KYNU: variants seen among roughly 807,000 people sequenced by gnomAD.
KYNU encodes L-kynurenine hydrolase.
In KYNU, 54 loss-of-function variants were observed where a neutral mutation model predicts 59.2. The ratio of observed to expected loss-of-function variants is 0.91; its 90% CI spans 0.73 to 1.14. The LOEUF is 1.14. KYNU is among the 50% of genes most tolerant of loss of function. KYNU has a pLI of 0.00. For synonymous variants in KYNU, 177 were observed against 192.0 expected (o/e 0.92, Z 0.65); for missense variants, 567 against 554.4 (o/e 1.02, Z -0.23).
chr2:142,937,139 A>G (rs1196220529), intron 4 of KYNU, among the ~76,000 whole-genome samples: 2 of 152,100 alleles, frequency 1.3e-5, no homozygotes, highest in African/African-American at 4.8e-5. Flanking sequence ...GTGTCTTCCA[A>G]CCAGGGTAGC....
At chr2:142,954,789 T>G in intron 4 of KYNU, 21 bp from the exon 5 acceptor site, 1 of 1,520,240 alleles carries the variant, frequency 6.6e-7, no homozygotes, top group Non-Finnish European at 9.1e-7. Context: ...ACATCTAAAT[T>G]ACGATATGTT....
At chr2:143,024,593 A>C (rs1027773332) in intron 10 of KYNU, among the ~76,000 whole-genome samples, 1 of 151,934 alleles carries the variant, frequency 6.6e-6, no homozygotes, top group Non-Finnish European at 1.5e-5. Context: ...GAATGGTTGC[A>C]TTTGATACAT....
intron 4 of KYNU, among the ~76,000 whole-genome samples, chr2:142,933,858 G>T (rs1304183270): frequency 6.6e-6 from 1 of 152,208 alleles, no homozygotes; most frequent in Non-Finnish European, 1.5e-5. Flanking sequence ...GTGAGCTGAT[G>T]TGAAAGTTTG....
At chr2:142,921,225 C>T (rs1427082701) in intron 3 of KYNU, among the ~76,000 whole-genome samples, 1 of 152,140 alleles carries the variant, frequency 6.6e-6, no homozygotes, top group Non-Finnish European at 1.5e-5. Flanking sequence ...GTTTTTTCAT[C>T]ATGATGCTAA....
At chr2:142,939,602 C>CAAAAAAAAAAAAAAAAAAAAAAAAAAAAA (rs71301737) in intron 4 of KYNU, among the ~76,000 whole-genome samples, 8 of 65,106 alleles carry the variant, frequency 1.2e-4, no homozygotes, top group Non-Finnish European at 1.4e-4. Context: ...CTCCATCTCA[C>CAAAAAAAAAAAAAAAAAAAAAAAAAAAAA]AAAAAAAAAA....
intron 10 of KYNU, among the ~76,000 whole-genome samples, chr2:143,023,079 A>T (rs1463814566): frequency 1.3e-5 from 2 of 151,776 alleles, no homozygotes; most frequent in Non-Finnish European, 3.0e-5. Flanking sequence ...TTTTCTTTCT[A>T]ATTTTAAAAT....
At chr2:142,945,343 GCATCTTCAC>G (rs1558936450) in intron 4 of KYNU, among the ~76,000 whole-genome samples, 1 of 152,226 alleles carries the variant, frequency 6.6e-6, no homozygotes, top group Non-Finnish European at 1.5e-5. Flanking sequence ...AATGTTCACA[GCATCTTCAC>G]CATCTTCAAA....
In KYNU at chr2:142,918,724, C is replaced by G; in HGVS notation, c.285C>G (p.Ala95=). The G allele has an allele frequency of 6.2e-6, 10 of 1,610,518 alleles. 1 individual carries two copies. The South Asian group carries it at 7.7e-5, about 12-fold the overall frequency. Residue 95 remains alanine (A), a synonymous_variant, in exon 3 of 14, where the codon GCC becomes GCG. Transcript: ENST00000264170. The part of the protein sequence containing the change: ...TYLEEELDKW[A]KIAAYGHEVG... ...TTGAAGAAGAACTAGATAAGTGGGCCAAAATGTAAGTATTATTTTAAAAGC... is the reference window on the plus strand; with the variant it reads ...TTGAAGAAGAACTAGATAAGTGGGCGAAAATGTAAGTATTATTTTAAAAGC...
At chr2:143,014,156 C>A (rs1368574632) in intron 10 of KYNU, among the ~76,000 whole-genome samples, 2 of 152,208 alleles carry the variant, frequency 1.3e-5, no homozygotes, top group African/African-American at 4.8e-5. Context: ...TGAAGAAATT[C>A]TTTACAAACC....
chr2:142,898,399 T>C (rs1429156947), intron 2 of KYNU, among the ~76,000 whole-genome samples: 1 of 152,132 alleles, frequency 6.6e-6, no homozygotes, highest in Non-Finnish European at 1.5e-5. Flanking sequence ...TTGATGAGCT[T>C]TCATTCTTAG....
chr2:143,028,243 C>CTTTTTTTTTTTTTTTTTTTTT (rs754504556), intron 10 of KYNU, among the ~76,000 whole-genome samples: 1 of 90,430 alleles, frequency 1.1e-5, no homozygotes, highest in African/African-American at 4.3e-5. Context: ...ATTTTACATT[C>CTTTTTTTTTTTTTTTTTTTTT]TTTTTTTTTT....
chr2:142,883,868 G>A (rs1681395579), intron 1 of KYNU, among the ~76,000 whole-genome samples: 1 of 152,148 alleles, frequency 6.6e-6, no homozygotes, highest in African/African-American at 2.4e-5. Flanking sequence ...CTCATACACT[G>A]CTGTCCTGCC....
chr2:142,959,006 A>G (rs1684256152), intron 7 of KYNU, among the ~76,000 whole-genome samples: 1 of 152,082 alleles, frequency 6.6e-6, no homozygotes. Context: ...TTAATAATTC[A>G]GATATTTTAA....
At chr2:142,961,038 C>G (rs1684328232) in intron 8 of KYNU, among the ~76,000 whole-genome samples, 1 of 151,792 alleles carries the variant, frequency 6.6e-6, no homozygotes, top group Non-Finnish European at 1.5e-5. Flanking sequence ...ACTGAAAATA[C>G]AAAAATTAGC....
At chr2:143,037,116 C>G (rs1253574211) in intron 12 of KYNU, among the ~76,000 whole-genome samples, 1 of 151,738 alleles carries the variant, frequency 6.6e-6, no homozygotes, top group South Asian at 2.1e-4. Flanking sequence ...ATTTTTTTAT[C>G]TGAATCATTT....
rs1687080101 is a variant in KYNU at position 143,042,370 on chromosome 2, T to C, written c.*198T>C. 5.5e-6 allele frequency: 3 copies of C among 541,790 alleles called. No homozygotes were observed. The highest frequency in any genetic ancestry group is 6.4e-6 in the Non-Finnish European group (2 of 311,692). The allele number at this position is 541,790 out of a possible 1,614,324, so 33.6% of individuals were successfully genotyped here. Reference sequence around the variant, plus strand: ...GGAGTCCACAGGGCTGCCTAGGTGCTTTGTGTTTGGGGGACCAAAACTGTG... The same window carrying C: ...GGAGTCCACAGGGCTGCCTAGGTGCCTTGTGTTTGGGGGACCAAAACTGTG... On this transcript the variant is annotated 3_prime_UTR_variant, in exon 14 of 14. Coordinates refer to ENST00000264170, the MANE Select transcript of KYNU (RefSeq NM_003937.3).
chr2:142,941,385 C>T (rs1683596040), intron 4 of KYNU, among the ~76,000 whole-genome samples: 2 of 152,338 alleles, frequency 1.3e-5, no homozygotes, highest in South Asian at 4.1e-4. Flanking sequence ...TAGTTTTCTA[C>T]ATTTTTGTCT....
intron 4 of KYNU, among the ~76,000 whole-genome samples, chr2:142,940,866 TAGA>T (rs1683573609): frequency 6.6e-6 from 1 of 152,244 alleles, no homozygotes; most frequent in African/African-American, 2.4e-5. Context: ...CATAATTTGC[TAGA>T]GCAATTTCAG....
chr2:143,006,933 T>G (rs1239428557), intron 10 of KYNU, among the ~76,000 whole-genome samples: 1 of 151,752 alleles, frequency 6.6e-6, no homozygotes, highest in Non-Finnish European at 1.5e-5. Context: ...AGACCAAAAG[T>G]AGATAAAACC....
Sources: gnomAD v4.1 joint callset for allele counts (sites outside exome capture counted in the v4.1 genomes callset) on GRCh38, gnomAD v4.1.1 for gene constraint, MANE v1.5 for transcripts, NCBI Gene and HGNC (gene_info 2026-07-23, HGNC 2026-07-21) for gene names.